The following SGK3 variants were observed in gnomAD, a reference collection of about 807,000 sequenced individuals.
The protein encoded by SGK3 is serum/glucocorticoid regulated kinase family member 3, also known as serine/threonine-protein kinase Sgk3.
Under a neutral mutation model 68.5 loss-of-function variants are expected in SGK3, and 47 were observed. That is an observed-to-expected ratio of 0.69 (90% CI 0.54 to 0.87). The LOEUF (loss-of-function observed/expected upper bound fraction) is 0.87. SGK3 is among the 40% of genes least tolerant of loss of function. The probability of loss-of-function intolerance (pLI) is 0.00; values close to 1 mark genes in which losing one functional copy is unlikely to be tolerated. For missense variants in SGK3, 479 were observed against 575.5 expected (o/e 0.83, Z 1.72); for synonymous variants, 181 against 189.1 (o/e 0.96, Z 0.35).
intron 1 of SGK3, among the ~76,000 whole-genome samples, chr8:66,789,200 G>A (rs1807336192): frequency 1.3e-5 from 2 of 151,764 alleles, no homozygotes; most frequent in Admixed American, 1.3e-4. Context: ...TAAATTTATG[G>A]TAATCCATAG....
chr8:66,854,321 C>G (rs1449913329), intron 16 of SGK3, among the ~76,000 whole-genome samples: 1 of 152,086 alleles, frequency 6.6e-6, no homozygotes, highest in African/African-American at 2.4e-5. Flanking sequence ...GGAGAGGGCT[C>G]ACCAACATTT....
At position 66,779,920 on chromosome 8, in the gene SGK3, GA is replaced by G. The variant is rs546393102; in HGVS notation, c.-121-13695del. On this transcript the variant is annotated intron_variant, in intron 1 of 16. Coordinates refer to ENST00000521198, the MANE Select transcript of SGK3 (RefSeq NM_001033578.3). ...ATTTTGAAAGCAAATATTTACTTGA[GA>G]GTAAAGTTTCCTTTATCACACTGCA... Among the ~76,000 whole-genome samples, 16 of 152,014 alleles carry G rather than the reference GA, an allele frequency of 1.1e-4. No individual in the cohort carries two copies. In the South Asian group the frequency reaches 3.3e-3, roughly 32 times the overall value.
Position 66,840,220 on chromosome 8 carries a change from A to G in SGK3, c.864A>G (p.Lys288=). 6.3e-7 allele frequency: 1 copy of G among 1,589,678 alleles called. No individual in the cohort carries two copies. Among genetic ancestry groups the G allele is most frequent in the Non-Finnish European group, 8.6e-7 (1 of 1,169,374 alleles). ...CCTTTTAATTTGATAGAGACTTGAAACCAGAAAATATTCTTTTGGATTCAG... is the reference window on the plus strand; with the variant it reads ...CCTTTTAATTTGATAGAGACTTGAAGCCAGAAAATATTCTTTTGGATTCAG... ...HSIKIVYRDL[K]PENILLDSVG... is the part of the protein sequence containing the mutation. Residue 288 remains lysine, a synonymous_variant, in exon 12 of 17, where the codon AAA becomes AAG. Transcript: ENST00000521198.
rs764935660 is a variant in SGK3, at chr8:66,744,527, T to TGTTTGTTTG, written c.-122+31694_-122+31695insGTTTGTTTG. Among the ~76,000 whole-genome samples the TGTTTGTTTG allele has an allele frequency of 3.1e-3, 307 of 97,806 alleles. 4 individuals are homozygous for TGTTTGTTTG. The highest frequency in any genetic ancestry group is 0.015 in the African/African-American group (295 of 20,110). 64.2% of individuals were successfully genotyped at this position (97,806 alleles called of 152,430 possible). ...TATATATATATATATATATTTTTTTTTTTTTTTTTTTTTTTTTTAGATGGA... is the reference window on the plus strand; with the variant it reads ...TATATATATATATATATATTTTTTTTGTTTGTTTGTTTTTTTTTTTTTTTTTTAGATGGA... On this transcript the variant is annotated intron_variant, in intron 1 of 16. Transcript: ENST00000521198.
At chr8:66,795,907 A>G (rs537480166) in intron 2 of SGK3, among the ~76,000 whole-genome samples, 1 of 152,264 alleles carries the variant, frequency 6.6e-6, no homozygotes, top group East Asian at 1.9e-4. Flanking sequence ...GTAGAATGCA[A>G]GGTTCTTTGA....
chr8:66,806,310 C>T (rs1005139049), intron 4 of SGK3, among the ~76,000 whole-genome samples: 1 of 151,882 alleles, frequency 6.6e-6, no homozygotes, highest in Non-Finnish European at 1.5e-5. Context: ...TATTGGCGAA[C>T]AGTGGCAATA....
chr8:66,806,822 A>G (rs1257301484), intron 4 of SGK3, among the ~76,000 whole-genome samples: 1 of 151,910 alleles, frequency 6.6e-6, no homozygotes, highest in Admixed American at 6.6e-5. Flanking sequence ...TCGAAAAAAA[A>G]AAAAAAAAAG....
intron 1 of SGK3, among the ~76,000 whole-genome samples, chr8:66,749,160 A>C (rs1448356332): frequency 6.6e-6 from 1 of 152,204 alleles, no homozygotes; most frequent in Admixed American, 6.6e-5. Flanking sequence ...TATTATTCAG[A>C]AAGTTATTCA....
At chr8:66,722,562 G>A (rs571663459) in intron 1 of SGK3, among the ~76,000 whole-genome samples, 3 of 152,354 alleles carry the variant, frequency 2.0e-5, no homozygotes, top group Non-Finnish European at 2.9e-5. Context: ...GTGAGCCGCC[G>A]TGCCCAGCCT....
At chr8:66,846,658 A>C (rs1810032512) in intron 14 of SGK3, among the ~76,000 whole-genome samples, 1 of 152,162 alleles carries the variant, frequency 6.6e-6, no homozygotes, top group Non-Finnish European at 1.5e-5. Context: ...TTAACTAGCT[A>C]ATGCTTGTGT....
intron 1 of SGK3, among the ~76,000 whole-genome samples, chr8:66,759,043 T>C (rs1585676604): frequency 6.6e-6 from 1 of 151,840 alleles, no homozygotes; most frequent in South Asian, 2.1e-4. Context: ...TCTGCCTCTG[T>C]CTTAATAAGG....
At chr8:66,727,494 C>T (rs915089174) in intron 1 of SGK3, among the ~76,000 whole-genome samples, 3 of 152,144 alleles carry the variant, frequency 2.0e-5, no homozygotes, top group African/African-American at 7.2e-5. Flanking sequence ...GGATGTGTCT[C>T]CCACAGTGCA....
chr8:66,813,276 A>T (rs1808452068), intron 4 of SGK3, among the ~76,000 whole-genome samples: 1 of 152,218 alleles, frequency 6.6e-6, no homozygotes, highest in Admixed American at 6.5e-5. Flanking sequence ...AAAAATTTTT[A>T]AAAAGAAAAT....
intron 1 of SGK3, among the ~76,000 whole-genome samples, chr8:66,754,741 A>G (rs1805922518): frequency 6.6e-6 from 1 of 152,256 alleles, no homozygotes; most frequent in Admixed American, 6.5e-5. Context: ...CCACGTGGAC[A>G]ATCTCATCAC....
At chr8:66,842,916 G>A (rs777621266) in intron 13 of SGK3, among the ~76,000 whole-genome samples, 4 of 151,926 alleles carry the variant, frequency 2.6e-5, no homozygotes, top group Admixed American at 6.6e-5. Flanking sequence ...TGAAAAATAC[G>A]AAAAACTATC....
chr8:66,805,119 T>C (rs1412569712), intron 4 of SGK3, among the ~76,000 whole-genome samples: 1 of 151,954 alleles, frequency 6.6e-6, no homozygotes, highest in South Asian at 2.1e-4. Flanking sequence ...TTGGGAAACT[T>C]TACAGACTTT....
chr8:66,849,002 C>T (rs1412701052), intron 15 of SGK3, among the ~76,000 whole-genome samples: 1 of 152,204 alleles, frequency 6.6e-6, no homozygotes, highest in African/African-American at 2.4e-5. Context: ...CGTCTCATCT[C>T]AGGCTTTTCT....
chr8:66,742,772 A>AT (rs1290414663), intron 1 of SGK3, among the ~76,000 whole-genome samples: 2 of 152,120 alleles, frequency 1.3e-5, no homozygotes, highest in Non-Finnish European at 1.5e-5. Flanking sequence ...ACTGCCCCAC[A>AT]TTTTTTGTAT....
chr8:66,817,811 T>C (rs1808655666), intron 5 of SGK3, among the ~76,000 whole-genome samples: 1 of 151,924 alleles, frequency 6.6e-6, no homozygotes. Flanking sequence ...CAATGAAAAA[T>C]TTGACTAATA....
Sources: gnomAD v4.1 joint callset for allele counts (sites outside exome capture counted in the v4.1 genomes callset) on GRCh38, gnomAD v4.1.1 for gene constraint, MANE v1.5 for transcripts, NCBI Gene and HGNC (gene_info 2026-07-23, HGNC 2026-07-21) for gene names.